GABRG3: variants seen among roughly 807,000 people sequenced by gnomAD.
The protein encoded by GABRG3 is gamma-aminobutyric acid type A receptor subunit gamma3.
In GABRG3, 25 loss-of-function variants were observed where a neutral mutation model predicts 48.8. The observed-to-expected ratio is 0.51, with a 90% CI of 0.37 to 0.72. The LOEUF (loss-of-function observed/expected upper bound fraction) is 0.72, where lower values mean the gene tolerates loss of function less well. GABRG3 is among the 30% of genes least tolerant of loss of function. GABRG3 has a pLI of 0.00. For missense variants in GABRG3, 394 were observed against 577.9 expected, an observed-to-expected ratio of 0.68 and a Z score of 3.26; for synonymous variants, 227 against 217.6, an observed-to-expected ratio of 1.04 and a Z score of -0.38.
At chr15:27,170,061 A>G (rs1887513143) in intron 3 of GABRG3, among the ~76,000 whole-genome samples, 1 of 152,204 alleles carries the variant, frequency 6.6e-6, no homozygotes, top group East Asian at 1.9e-4. Context: ...ATTGCATTAC[A>G]AGAAACAGTC....
intron 5 of GABRG3, among the ~76,000 whole-genome samples, chr15:27,475,852 T>C (rs1889925174): frequency 6.6e-6 from 1 of 151,968 alleles, no homozygotes; most frequent in Admixed American, 6.6e-5. Context: ...ATGATTGTGA[T>C]GGTGATGATG....
chr15:27,190,128 C>T (rs1482249874), intron 3 of GABRG3, among the ~76,000 whole-genome samples: 1 of 152,140 alleles, frequency 6.6e-6, no homozygotes, highest in East Asian at 1.9e-4. Flanking sequence ...TTCGGTTTGC[C>T]AGTGTTTTAT....
At chr15:27,050,201 C>G (rs1264467621) in intron 3 of GABRG3, among the ~76,000 whole-genome samples, 1 of 152,190 alleles carries the variant, frequency 6.6e-6, no homozygotes, top group East Asian at 1.9e-4. Flanking sequence ...TCTTTGATGA[C>G]ACACAAAGAG....
At chr15:27,111,916 A>G (rs1897556705) in intron 3 of GABRG3, among the ~76,000 whole-genome samples, 1 of 151,750 alleles carries the variant, frequency 6.6e-6, no homozygotes, top group Admixed American at 6.6e-5. Context: ...CCAGGAGAGT[A>G]GGCCTTTTCA....
At chr15:27,136,807 C>A (rs993791927) in intron 3 of GABRG3, among the ~76,000 whole-genome samples, 1 of 152,170 alleles carries the variant, frequency 6.6e-6, no homozygotes, top group African/African-American at 2.4e-5. Flanking sequence ...AATTCCAGCA[C>A]CTGAATGCTC....
At chr15:27,298,256 G>A (rs966039774) in intron 3 of GABRG3, among the ~76,000 whole-genome samples, 3 of 152,146 alleles carry the variant, frequency 2.0e-5, no homozygotes, top group South Asian at 2.1e-4. Flanking sequence ...TGAAAGTAAA[G>A]GATGAAGAAA....
intron 5 of GABRG3, among the ~76,000 whole-genome samples, chr15:27,380,582 A>G (rs1485611893): frequency 2.6e-5 from 4 of 152,046 alleles, no homozygotes; most frequent in Non-Finnish European, 5.9e-5. Flanking sequence ...AGCTGCAGCT[A>G]TAGGTGTCAG....
At chr15:27,501,352 C>A (rs1421137510) in intron 6 of GABRG3, among the ~76,000 whole-genome samples, 1 of 152,164 alleles carries the variant, frequency 6.6e-6, no homozygotes, top group East Asian at 1.9e-4. Flanking sequence ...GTAACCAGAA[C>A]AGACTCTTTT....
At chr15:27,483,649 C>T (rs987606744) in intron 6 of GABRG3, among the ~76,000 whole-genome samples, 4 of 152,186 alleles carry the variant, frequency 2.6e-5, no homozygotes, top group African/African-American at 9.6e-5. Flanking sequence ...TGTCAGCGTT[C>T]CCCCTCTGGG....
At chr15:27,440,420 G>T (rs906624897) in intron 5 of GABRG3, among the ~76,000 whole-genome samples, 1 of 152,060 alleles carries the variant, frequency 6.6e-6, no homozygotes, top group African/African-American at 2.4e-5. Flanking sequence ...AACCATTTGC[G>T]CCTTCTGGCT....
At chr15:27,011,563 C>G (rs1020267645) in intron 2 of GABRG3, among the ~76,000 whole-genome samples, 1 of 152,186 alleles carries the variant, frequency 6.6e-6, no homozygotes, top group Non-Finnish European at 1.5e-5. Flanking sequence ...ATCTACAATT[C>G]TAGGCTGGGC....
chr15:27,196,132 C>T (rs1478191128), intron 3 of GABRG3, among the ~76,000 whole-genome samples: 2 of 152,238 alleles, frequency 1.3e-5, no homozygotes, highest in East Asian at 3.9e-4. Flanking sequence ...AGCAGTAACC[C>T]GATGTCTCAT....
At chr15:27,507,928 A>AAAT (rs1042138702) in intron 6 of GABRG3, among the ~76,000 whole-genome samples, 2 of 152,198 alleles carry the variant, frequency 1.3e-5, no homozygotes, top group African/African-American at 4.8e-5. Context: ...TTATTCCTAA[A>AAAT]AATAACCTTT....
Position 26,976,589 on chromosome 15 carries a change from G to A in GABRG3, c.54-413G>A, listed in dbSNP as rs984943463. Reference sequence around the variant, plus strand: ...CACCTTCAACGAAAATGAGGTCTTGGTGGTCAGGGTGGAAACACCACGATG... The same window carrying A: ...CACCTTCAACGAAAATGAGGTCTTGATGGTCAGGGTGGAAACACCACGATG... On this transcript the variant is annotated intron_variant, in intron 1 of 9. Transcript: ENST00000615808. The surrounding 1 kb of genome is among the most constrained non-coding windows in gnomAD (Gnocchi z 7.8). Among the ~76,000 whole-genome samples, 1 of 152,100 alleles carries A rather than the reference G, an allele frequency of 6.6e-6. No individual in the cohort carries two copies. The highest frequency in any genetic ancestry group is 1.5e-5 in the Non-Finnish European group (1 of 68,022).
At chr15:27,478,843 C>T (rs568536431) in intron 5 of GABRG3, among the ~76,000 whole-genome samples, 5 of 152,156 alleles carry the variant, frequency 3.3e-5, no homozygotes, top group East Asian at 1.9e-4. Flanking sequence ...ATGTGTGCTA[C>T]GATAGGAGTG....
intron 2 of GABRG3, among the ~76,000 whole-genome samples, chr15:26,986,223 T>C (rs567334025): frequency 9.7e-4 from 147 of 152,250 alleles, no homozygotes; most frequent in Non-Finnish European, 1.5e-3. Context: ...ATGTATTCAC[T>C]CCACTCTCGG....
chr15:27,269,638 C>T (rs531909066), intron 3 of GABRG3, among the ~76,000 whole-genome samples: 52 of 152,312 alleles, frequency 3.4e-4, no homozygotes, highest in African/African-American at 1.2e-3. Flanking sequence ...TGAAAGCAAA[C>T]CACAGCATTT....
chr15:27,363,519 A>C (rs977281448), intron 5 of GABRG3: 3 of 152,288 alleles, frequency 2.0e-5, no homozygotes, highest in Non-Finnish European at 2.9e-5. Flanking sequence ...TTGGTGGGCC[A>C]TATGGAGAGG....
At position 27,368,356 on chromosome 15, in the gene GABRG3, T is replaced by C. The variant is rs1895280881; in HGVS notation, c.574+39468T>C. The stretch of plus-strand genomic sequence containing the variant: ...ATGCACTCACGGAGTGCTAGGGTGG[T>C]TGGTCAAAACTGTTGCAGGGTAGAA... On this transcript the variant is annotated intron_variant, in intron 5 of 9. Coordinates refer to ENST00000615808, the MANE Select transcript of GABRG3 (RefSeq NM_033223.5). 2.0e-5 allele frequency among the ~76,000 whole-genome samples: 3 copies of C among 152,146 alleles called. No individual in the cohort carries two copies. The South Asian group carries it at 6.2e-4, about 32-fold the overall frequency.
Sources: allele counts gnomAD v4.1 joint callset (sites outside exome capture counted in the v4.1 genomes callset), GRCh38; gene constraint gnomAD v4.1.1; non-coding constraint Gnocchi (gnomAD v3.1); transcripts MANE v1.5; gene names NCBI Gene and HGNC (gene_info 2026-07-23, HGNC 2026-07-21).